SMLR1: variants seen among roughly 807,000 people sequenced by gnomAD.
SMLR1 encodes small leucine rich protein 1.
In SMLR1, 3 loss-of-function variants were observed where a neutral mutation model predicts 6.1. The observed-to-expected ratio is 0.49, with a 90% CI of 0.22 to 1.28. The LOEUF (loss-of-function observed/expected upper bound fraction) is 1.28, where lower values mean the gene tolerates loss of function less well. Ranked by LOEUF, SMLR1 falls within the 50% of genes most tolerant of loss-of-function variation. The pLI, the probability that SMLR1 is intolerant of heterozygous loss-of-function variation, is 0.19. For synonymous variants in SMLR1, 55 were observed against 53.6 expected (o/e 1.03, Z -0.11); for missense variants, 126 against 124.8 (o/e 1.01, Z -0.05).
rs1007479670 is a variant in SMLR1, at chr6:130,827,436, C to A, written c.23C>A (p.Pro8His). Residue 8 changes from proline (P) to histidine (H), a missense_variant, in exon 1 of 2, where the codon CCC (proline) becomes CAC (histidine). Coordinates refer to ENST00000541421, the MANE Select transcript of SMLR1 (RefSeq NM_001195597.2). The part of the protein sequence containing the change: MLSKGRS[P>H]RRKQVQTQRK... Reference sequence around the variant, plus strand: ...GACATGCTGAGCAAAGGCCGGAGCCCCAGAAGAAAACAAGTACAGACTCAG... The same window carrying A: ...GACATGCTGAGCAAAGGCCGGAGCCACAGAAGAAAACAAGTACAGACTCAG... 3 of 1,535,742 alleles carry A rather than the reference C, an allele frequency of 2.0e-6. No individual in the cohort carries two copies. The highest frequency in any genetic ancestry group is 2.0e-5 in the Admixed American group (1 of 50,960).
intron 1 of SMLR1, among the ~76,000 whole-genome samples, chr6:130,830,979 T>A (rs1774427276): frequency 6.6e-6 from 1 of 152,166 alleles, no homozygotes; most frequent in Non-Finnish European, 1.5e-5. Flanking sequence ...GGAGTAGCCA[T>A]TCTTTTATTC....
rs762127218 is a variant in SMLR1 at position 130,834,896 on chromosome 6, G to A, written c.265G>A (p.Asp89Asn). ...TAATGAAGAACTGTCCCAGAACTGT[G>A]ATCGCCAACATAATCCCAAGGATGG... ...EVNEELSQNC[D>N]RQHNPKDGSS... The change falls in exon 2 of 2, where the codon GAT (aspartate) becomes AAT (asparagine). Residue 89 changes from aspartate (D) to asparagine (N), a missense_variant. Physicochemically the swap from Asp to Asn is conservative, Grantham distance 23. Coordinates refer to ENST00000541421, the MANE Select transcript of SMLR1 (RefSeq NM_001195597.2). 26 of 1,535,350 alleles carry A rather than the reference G, an allele frequency of 1.7e-5. No individual in the cohort carries two copies. Among genetic ancestry groups the A allele is most frequent in the Non-Finnish European group, 2.3e-5 (26 of 1,146,356 alleles).
chr6:130,835,198 C>A lies in SMLR1; in HGVS notation c.*243C>A. ...AGAATGGATTTCCTGGGTATATACA[C>A]TGGACACATTGTAACTTTTTAACTT... On this transcript the variant is annotated 3_prime_UTR_variant, in exon 2 of 2. Coordinates refer to ENST00000541421, the MANE Select transcript of SMLR1 (RefSeq NM_001195597.2). The A allele has an allele frequency of 2.3e-6, 1 of 444,196 alleles. No homozygotes were observed. The highest frequency in any genetic ancestry group is 3.4e-5 in the South Asian group (1 of 29,352). The allele number at this position is 444,196 out of a possible 1,614,324, so 27.5% of individuals were successfully genotyped here.
At chr6:130,828,219 A>T (rs527708012) in intron 1 of SMLR1, among the ~76,000 whole-genome samples, 1 of 152,336 alleles carries the variant, frequency 6.6e-6, no homozygotes, top group African/African-American at 2.4e-5. Context: ...TTAAGGTGGA[A>T]AAAAACCAAA....
chr6:130,833,184 C>G (rs1008038408), intron 1 of SMLR1, among the ~76,000 whole-genome samples: 27 of 152,130 alleles, frequency 1.8e-4, no homozygotes, highest in African/African-American at 6.0e-4. Flanking sequence ...CATTATTTTA[C>G]TTCTCTCACT....
chr6:130,831,668 C>T (rs921024722), intron 1 of SMLR1, among the ~76,000 whole-genome samples: 1 of 152,164 alleles, frequency 6.6e-6, no homozygotes, highest in Non-Finnish European at 1.5e-5. Flanking sequence ...AATGTCATGT[C>T]GTTAATCTTC....
chr6:130,828,477 A>G (rs565953945), intron 1 of SMLR1, among the ~76,000 whole-genome samples: 1 of 152,006 alleles, frequency 6.6e-6, no homozygotes, highest in South Asian at 2.1e-4. Context: ...AATTTGAAAA[A>G]CCCTCCTCTT....
chr6:130,831,536 T>C (rs1482202339), intron 1 of SMLR1, among the ~76,000 whole-genome samples: 3 of 152,104 alleles, frequency 2.0e-5, no homozygotes, highest in Non-Finnish European at 4.4e-5. Flanking sequence ...TTCCTAAGGG[T>C]AAGTAGTACT....
chr6:130,835,048 C>T lies in SMLR1; in HGVS notation c.*93C>T. 2 of 979,330 alleles carry T rather than the reference C, an allele frequency of 2.0e-6. No homozygotes were observed. Among genetic ancestry groups the T allele is most frequent in the South Asian group, 2.8e-5 (2 of 71,280 alleles). 60.7% of individuals were successfully genotyped at this position (979,330 alleles called of 1,614,324 possible). A position where few individuals can be genotyped will look rare whatever the true frequency, so the allele number is the denominator to read the frequency against. ...TCAGCTAATAAAGTAGGTTGATAAA[C>T]TAGAACCATAGCAAAATAGAAAGAA... is the stretch of plus-strand genomic sequence containing the variant. On this transcript the variant is annotated 3_prime_UTR_variant, in exon 2 of 2. Coordinates refer to ENST00000541421, the MANE Select transcript of SMLR1 (RefSeq NM_001195597.2).
At chr6:130,834,666 T>C (rs1303228572) in intron 1 of SMLR1, among the ~76,000 whole-genome samples, 1 of 152,136 alleles carries the variant, frequency 6.6e-6, no homozygotes, top group African/African-American at 2.4e-5. Flanking sequence ...GGCCATTCTT[T>C]AGAAAGAAGC....
chr6:130,827,765 T>TATA, intron 1 of SMLR1, 114 bp downstream of exon 1: 1 of 753,382 alleles, frequency 1.3e-6, no homozygotes, highest in Non-Finnish European at 2.1e-6. Flanking sequence ...TATATATATA[T>TATA]TTTGTAGGTA....
Position 130,835,046 on chromosome 6 carries a change from A to G in SMLR1, c.*91A>G. On this transcript the variant is annotated 3_prime_UTR_variant, in exon 2 of 2. Transcript: ENST00000541421. Reference sequence around the variant, plus strand: ...GTTCAGCTAATAAAGTAGGTTGATAAACTAGAACCATAGCAAAATAGAAAG... The same window carrying G: ...GTTCAGCTAATAAAGTAGGTTGATAGACTAGAACCATAGCAAAATAGAAAG... 7 of 989,054 alleles carry G rather than the reference A, an allele frequency of 7.1e-6. No individual in the cohort carries two copies. The highest frequency in any genetic ancestry group is 1.1e-5 in the Non-Finnish European group (7 of 654,880). 61.3% of individuals were successfully genotyped at this position (989,054 alleles called of 1,614,324 possible). A position where few individuals can be genotyped will look rare whatever the true frequency, so the allele number is the denominator to read the frequency against.
At position 130,834,885 on chromosome 6, in the gene SMLR1, C is replaced by T. The variant is rs1323559192; in HGVS notation, c.254C>T (p.Ser85Phe). Reference sequence around the variant, plus strand: ...TTCCTTTCAGTTAATGAAGAACTGTCCCAGAACTGTGATCGCCAACATAAT... The same window carrying T: ...TTCCTTTCAGTTAATGAAGAACTGTTCCAGAACTGTGATCGCCAACATAAT... ...IKLIEVNEELSQNCDRQHNPK... is the reference protein window; with the variant it reads ...IKLIEVNEELFQNCDRQHNPK... The change falls in exon 2 of 2, where the codon TCC (serine) becomes TTC (phenylalanine). Residue 85 changes from serine (S) to phenylalanine (F), a missense_variant. Transcript: ENST00000541421. 8 of 1,535,174 alleles carry T rather than the reference C, an allele frequency of 5.2e-6. 1 individual carries two copies. The South Asian group carries it at 9.5e-5, about 18-fold the overall frequency.
chr6:130,834,844 T>A (rs753590986), intron 1 of SMLR1, 26 bp from the exon 2 acceptor site: 1 of 1,526,102 alleles, frequency 6.6e-7, no homozygotes, highest in Non-Finnish European at 8.8e-7. Flanking sequence ...TGTCTCCAAA[T>A]TATTAACTAA....
chr6:130,827,492 C>T lies in SMLR1; in HGVS notation c.79C>T (p.Pro27Ser), dbSNP rs901831178. Residue 27 changes from proline to serine, a missense_variant, in exon 1 of 2, where the codon CCC (proline) becomes TCC (serine). Physicochemically the swap from Pro to Ser is moderately conservative, Grantham distance 74 (BLOSUM62 -1). Transcript: ENST00000541421. ...AGCTGCCCTGGTCCTGAGTGTGACT[C>T]CCATGGTCCCCGTGGGGTCTGTGTG... is the stretch of plus-strand genomic sequence containing the variant. ...RKAALVLSVT[P>S]MVPVGSVWLA... The T allele has an allele frequency of 6.5e-7, 1 of 1,535,890 alleles. No individual in the cohort carries two copies. Among genetic ancestry groups the T allele is most frequent in the African/African-American group, 1.4e-5 (1 of 73,006 alleles).
At chr6:130,834,560 G>T (rs1422859788) in intron 1 of SMLR1, among the ~76,000 whole-genome samples, 1 of 152,178 alleles carries the variant, frequency 6.6e-6, no homozygotes, top group Non-Finnish European at 1.5e-5. Flanking sequence ...CAGACACTGT[G>T]ACTTGCTGTG....
At chr6:130,832,991 C>A (rs1200564940) in intron 1 of SMLR1, among the ~76,000 whole-genome samples, 2 of 152,130 alleles carry the variant, frequency 1.3e-5, no homozygotes. Context: ...CTGCCTGAGT[C>A]AAATCACATT....
Position 130,831,607 on chromosome 6 carries a change from T to G in SMLR1, c.239-3263T>G, listed in dbSNP as rs532003930. 9.2e-5 allele frequency among the ~76,000 whole-genome samples: 14 copies of G among 152,292 alleles called. No homozygotes were observed. In the South Asian group the frequency reaches 2.9e-3, roughly 32 times the overall value. ...GGACTCGAAATAAAATATCACCAGTTTGTATCTCCATTTCGCAGCATCCAC... is the reference window on the plus strand; with the variant it reads ...GGACTCGAAATAAAATATCACCAGTGTGTATCTCCATTTCGCAGCATCCAC... On this transcript the variant is annotated intron_variant, in intron 1 of 1. Transcript: ENST00000541421.
In SMLR1 at chr6:130,829,051, A is replaced by C. The variant is rs562192445; in HGVS notation, c.238+1400A>C. On this transcript the variant is annotated intron_variant, in intron 1 of 1. Transcript: ENST00000541421. ...CTCACTGCATCTCAGCCTCCCATTG[A>C]CATTGAACGTCCCAGGGACAATAAA... Among the ~76,000 whole-genome samples the C allele has an allele frequency of 2.0e-5, 3 of 152,314 alleles. No homozygotes were observed. The South Asian group carries it at 6.2e-4, about 32-fold the overall frequency.
Sources: allele counts gnomAD v4.1 joint callset (sites outside exome capture counted in the v4.1 genomes callset), GRCh38; gene constraint gnomAD v4.1.1; transcripts MANE v1.5; gene names NCBI Gene and HGNC (gene_info 2026-07-23, HGNC 2026-07-21).